The following SDK1 variants were observed in gnomAD, a reference collection of about 807,000 sequenced individuals.
The protein encoded by SDK1 is sidekick cell adhesion molecule 1.
Under a neutral mutation model 245.5 loss-of-function variants are expected in SDK1, and 157 were observed. The observed-to-expected ratio is 0.64, with a 90% CI of 0.56 to 0.73. The LOEUF (loss-of-function observed/expected upper bound fraction) is 0.73. Ranked by LOEUF, SDK1 falls within the 30% of genes least tolerant of loss-of-function variation. SDK1 has a pLI of 0.00. For synonymous variants in SDK1, 1,647 were observed against 1,278.5 expected (o/e 1.29, Z -6.15); for missense variants, 3,583 against 3,002.3 (o/e 1.19, Z -4.52).
chr7:3,945,896 C>A, intron 5 of SDK1, among the ~76,000 whole-genome samples: 1 of 22,542 alleles, frequency 4.4e-5, no homozygotes. Flanking sequence ...AAGACTCTGT[C>A]TGTAAAAAAA....
chr7:4,114,412 G>C (rs541205423), intron 25 of SDK1, 138 bp downstream of exon 25: 1 of 700,844 alleles, frequency 1.4e-6, no homozygotes, highest in Non-Finnish European at 2.3e-6. Context: ...TCCTAATCCC[G>C]GGTTTGGCCA....
At chr7:3,509,576 C>T (rs896739592) in intron 1 of SDK1, among the ~76,000 whole-genome samples, 11 of 152,074 alleles carry the variant, frequency 7.2e-5, no homozygotes, top group Non-Finnish European at 1.2e-4. Flanking sequence ...AAAGTGAGAC[C>T]CAAATAGCTG....
At chr7:4,086,991 G>T (rs1021409344) in intron 22 of SDK1, among the ~76,000 whole-genome samples, 2 of 149,252 alleles carry the variant, frequency 1.3e-5, no homozygotes, top group East Asian at 3.9e-4. Flanking sequence ...GTAACATGTT[G>T]CATTCCCAGC....
At chr7:3,537,721 T>G (rs1562548216) in intron 1 of SDK1, among the ~76,000 whole-genome samples, 1 of 152,236 alleles carries the variant, frequency 6.6e-6, no homozygotes, top group Non-Finnish European at 1.5e-5. Flanking sequence ...GTCCAGGAAC[T>G]TGACTCTTGA....
intron 1 of SDK1, among the ~76,000 whole-genome samples, chr7:3,481,710 C>G (rs897999911): frequency 6.6e-6 from 1 of 152,228 alleles, no homozygotes; most frequent in East Asian, 1.9e-4. Context: ...CTCTCAGCAT[C>G]TAGTTTCTGC....
chr7:3,421,153 C>A (rs929805490), intron 1 of SDK1, among the ~76,000 whole-genome samples: 3 of 147,218 alleles, frequency 2.0e-5, no homozygotes, highest in African/African-American at 7.6e-5. Flanking sequence ...CTCACTGCAA[C>A]ATTTGCCTCC....
chr7:3,504,182 A>ATATGTGTGTGTGTGTGTGTGTGTGTG (rs375661314), intron 1 of SDK1, among the ~76,000 whole-genome samples: 51 of 131,940 alleles, frequency 3.9e-4, no homozygotes, highest in Admixed American at 8.1e-4. Context: ...ATATATATAT[A>ATATGTGTGTGTGTGTGTGTGTGTGTG]TGTGTGTGTG....
At chr7:3,690,833 A>G (rs781399799) in intron 4 of SDK1, among the ~76,000 whole-genome samples, 15 of 152,242 alleles carry the variant, frequency 9.9e-5, no homozygotes, top group Non-Finnish European at 2.1e-4. Flanking sequence ...ATTTAAAAGT[A>G]ATACTTTGCG....
At chr7:3,826,943 C>A (rs771976943) in intron 5 of SDK1, among the ~76,000 whole-genome samples, 86 of 152,280 alleles carry the variant, frequency 5.6e-4, no homozygotes, top group Non-Finnish European at 1.1e-3. Flanking sequence ...CTCACCACAA[C>A]AAAGACCATC....
intron 4 of SDK1, among the ~76,000 whole-genome samples, chr7:3,772,289 C>G (rs1274772370): frequency 1.3e-5 from 2 of 151,050 alleles, no homozygotes; most frequent in Non-Finnish European, 2.9e-5. Context: ...CTTGTAGTTA[C>G]TATGCAGATG....
chr7:3,689,504 G>C (rs549839050), intron 4 of SDK1, among the ~76,000 whole-genome samples: 2 of 152,164 alleles, frequency 1.3e-5, no homozygotes, highest in Admixed American at 6.5e-5. Flanking sequence ...GATTCCCTAC[G>C]TGTAGTATTT....
intron 4 of SDK1, among the ~76,000 whole-genome samples, chr7:3,704,775 C>T (rs113317402): frequency 0.015 from 2,273 of 152,186 alleles, 57 homozygotes; most frequent in African/African-American, 0.05. Context: ...AGGCCAATGT[C>T]CAAAAGAGTT....
chr7:3,594,789 T>C (rs1240867716), intron 1 of SDK1, among the ~76,000 whole-genome samples: 3 of 152,206 alleles, frequency 2.0e-5, no homozygotes, highest in East Asian at 1.9e-4. Flanking sequence ...AATACTGATA[T>C]AAGAACCATC....
In SDK1 at chr7:3,796,854, A is replaced by AAG. The variant is rs1430981497; in HGVS notation, c.714-24596_714-24595insAG. Among the ~76,000 whole-genome samples, 25 of 152,298 alleles carry AAG rather than the reference A, an allele frequency of 1.6e-4. No individual in the cohort carries two copies. The South Asian group carries it at 5.0e-3, about 30-fold the overall frequency. ...TAAAGAGACTAAAGTTATCAATGTT[A>AAG]TATAGTCAAGTATATTACATAAATT... is the stretch of plus-strand genomic sequence containing the variant. On this transcript the variant is annotated intron_variant, in intron 4 of 44. Transcript: ENST00000404826.
chr7:3,521,239 C>T (rs866265169), intron 1 of SDK1, among the ~76,000 whole-genome samples: 4 of 152,198 alleles, frequency 2.6e-5, no homozygotes, highest in African/African-American at 9.7e-5. Flanking sequence ...TACTTCCCTT[C>T]TGCTACATCT....
At chr7:3,537,101 C>A (rs187877412) in intron 1 of SDK1, among the ~76,000 whole-genome samples, 17 of 152,210 alleles carry the variant, frequency 1.1e-4, no homozygotes, top group Middle Eastern at 3.4e-3. Context: ...TCATAAAATT[C>A]CCTTAAATCC....
chr7:3,596,212 A>G (rs1316004904), intron 1 of SDK1, among the ~76,000 whole-genome samples: 1 of 152,144 alleles, frequency 6.6e-6, no homozygotes, highest in Non-Finnish European at 1.5e-5. Context: ...AGAAGCTGTC[A>G]TCTTGCTGGC....
chr7:3,399,892 C>G (rs1457331786), intron 1 of SDK1, among the ~76,000 whole-genome samples: 1 of 152,096 alleles, frequency 6.6e-6, no homozygotes, highest in Non-Finnish European at 1.5e-5. Context: ...TCTTGGCTGC[C>G]CAACTGGTAT....
rs1486926440 is a variant in SDK1 at position 4,074,856 on chromosome 7, T to TACTTTCTCTCTC, written c.3011-2142_3011-2141insACTTTCTCTCTC. Among the ~76,000 whole-genome samples the TACTTTCTCTCTC allele has an allele frequency of 3.2e-3, 229 of 71,818 alleles. 4 individuals carry two copies. Among genetic ancestry groups the TACTTTCTCTCTC allele is most frequent in the South Asian group, 0.012 (23 of 1,928 alleles). 47.1% of individuals were successfully genotyped at this position (71,818 alleles called of 152,430 possible). A position where few individuals can be genotyped will look rare whatever the true frequency, so the allele number is the denominator to read the frequency against. ...CCAGCCTGGGCAACAGAGCAAGACT[T>TACTTTCTCTCTC]TCTCTCTCTCTCTCTCTCTCTCTCT... On this transcript the variant is annotated intron_variant, in intron 20 of 44. Transcript: ENST00000404826.
Sources: gnomAD v4.1 joint callset for allele counts (sites outside exome capture counted in the v4.1 genomes callset) on GRCh38, gnomAD v4.1.1 for gene constraint, MANE v1.5 for transcripts, NCBI Gene and HGNC (gene_info 2026-07-23, HGNC 2026-07-21) for gene names.